ASPH: variants seen among roughly 807,000 people sequenced by gnomAD.
ASPH encodes aspartate beta-hydroxylase.
Under a neutral mutation model 118.4 loss-of-function variants are expected in ASPH, and 100 were observed. The ratio of observed to expected loss-of-function variants is 0.84; its 90% CI spans 0.72 to 1.00. The LOEUF (loss-of-function observed/expected upper bound fraction) is 1.00. Ranked by LOEUF, ASPH falls within the 50% of genes least tolerant of loss-of-function variation. ASPH has a pLI of 0.00. For synonymous variants in ASPH, 315 were observed against 325.6 expected (o/e 0.97, Z 0.35); for missense variants, 920 against 919.5 (o/e 1.00, Z -0.01).
At chr8:61,703,930 A>G (rs1271983871) in intron 1 of ASPH, among the ~76,000 whole-genome samples, 1 of 152,196 alleles carries the variant, frequency 6.6e-6, no homozygotes, top group Non-Finnish European at 1.5e-5. Flanking sequence ...GGACAAACAG[A>G]TAACAAAAAA....
At chr8:61,555,808 C>T (rs1225080602) in intron 19 of ASPH, 116 bp downstream of exon 19, 4 of 872,942 alleles carry the variant, frequency 4.6e-6, no homozygotes, top group Non-Finnish European at 5.3e-6. Flanking sequence ...GGTGGACATC[C>T]TGAGGATGAA....
chr8:61,616,418 G>A (rs1849058972), intron 14 of ASPH, among the ~76,000 whole-genome samples: 1 of 152,174 alleles, frequency 6.6e-6, no homozygotes, highest in Admixed American at 6.5e-5. Flanking sequence ...CTGTTTATCT[G>A]CAACAAGCCA....
chr8:61,686,464 A>T (rs1224402508), intron 1 of ASPH, among the ~76,000 whole-genome samples: 1 of 152,210 alleles, frequency 6.6e-6, no homozygotes, highest in Non-Finnish European at 1.5e-5. Flanking sequence ...GAAAGTGAGT[A>T]AGCTTCTGTG....
intron 14 of ASPH, among the ~76,000 whole-genome samples, chr8:61,614,322 C>A (rs1848361550): frequency 6.6e-6 from 1 of 152,166 alleles, no homozygotes. Context: ...CACGTGCACA[C>A]ATAGATACAC....
rs1852795983 is a variant in ASPH at position 61,626,342 on chromosome 8, T to A, written c.935-7323A>T. On this transcript the variant is annotated intron_variant, in intron 13 of 24. Coordinates refer to ENST00000379454, the MANE Select transcript of ASPH (RefSeq NM_004318.4). ...ACCAGACACAGACTGTGAAACTGCT[T>A]CATTTTCATTCTACTTTTTAAAAAA... 7.2e-6 allele frequency: 10 copies of A among 1,392,202 alleles called. No individual in the cohort carries two copies. In the South Asian group the frequency reaches 7.5e-5, roughly 10 times the overall value. 86.2% of individuals were successfully genotyped at this position (1,392,202 alleles called of 1,614,324 possible). A position where few individuals can be genotyped will look rare whatever the true frequency, so the allele number is the denominator to read the frequency against.
At position 61,684,022 on chromosome 8, in the gene ASPH, G is replaced by C. The variant is rs1160667358; in HGVS notation, c.253+17C>G. The C allele has an allele frequency of 6.2e-7, 1 of 1,610,496 alleles. No individual in the cohort carries two copies. Among genetic ancestry groups the C allele is most frequent in the African/African-American group, 1.3e-5 (1 of 74,806 alleles). On this transcript the variant is annotated intron_variant, in intron 2 of 24. Coordinates refer to ENST00000379454, the MANE Select transcript of ASPH (RefSeq NM_004318.4). ...TTACTCTCTTACAAATTCACATAAG[G>C]ATATCAAAATTCTTACCTAGAACTT...
chr8:61,632,219 T>G (rs752432752), intron 13 of ASPH, among the ~76,000 whole-genome samples: 11 of 152,172 alleles, frequency 7.2e-5, no homozygotes, highest in Non-Finnish European at 1.5e-4. Flanking sequence ...ATATTTACAT[T>G]CCAAATAAAC....
At chr8:61,671,429 A>C (rs1214898152) in intron 3 of ASPH, among the ~76,000 whole-genome samples, 3 of 152,246 alleles carry the variant, frequency 2.0e-5, no homozygotes, top group Admixed American at 2.0e-4. Context: ...AGTAGGAAGA[A>C]AATTCTATCA....
intron 1 of ASPH, among the ~76,000 whole-genome samples, chr8:61,692,647 C>A (rs895115847): frequency 1.1e-4 from 17 of 152,090 alleles, no homozygotes; most frequent in Admixed American, 1.1e-3. Flanking sequence ...ATACTTCCTT[C>A]CCCTCACCCC....
rs1240249871 is a variant in ASPH at position 61,714,400 on chromosome 8, T to TGGTGAG, written c.-30_-29insCTCACC. The TGGTGAG allele has an allele frequency of 1.6e-5, 24 of 1,471,412 alleles. No individual in the cohort carries two copies. The highest frequency in any genetic ancestry group is 4.4e-4 in the Middle Eastern group (2 of 4,506). The allele number at this position is 1,471,412 out of a possible 1,614,324, so 91.1% of individuals were successfully genotyped here. ...ACGGTCCGCGGGGGCTGGTGAGGGC[T>TGGTGAG]GGCGGACCTCCTTCAGTGCGCGGGG... is the stretch of plus-strand genomic sequence containing the variant. On this transcript the variant is annotated 5_prime_UTR_variant, in exon 1 of 25. Coordinates refer to ENST00000379454, the MANE Select transcript of ASPH (RefSeq NM_004318.4).
chr8:61,582,956 T>C (rs1250364968), intron 15 of ASPH: 1 of 152,232 alleles, frequency 6.6e-6, no homozygotes, highest in Non-Finnish European at 1.5e-5. Context: ...TTGCACCCGA[T>C]GATTAGATGA....
rs34577657 is a variant in ASPH at position 61,550,442 on chromosome 8, T to TACACAC, written c.1627-2240_1627-2235dup. Reference sequence around the variant, plus strand: ...TGTATGGTTTTTATGCACATGTACATACACACACACACACACACACACACA... The same window carrying TACACAC: ...TGTATGGTTTTTATGCACATGTACATACACACACACACACACACACACACACACACA... On this transcript the variant is annotated intron_variant, in intron 20 of 24. Transcript: ENST00000379454. Among the ~76,000 whole-genome samples, 907 of 147,666 alleles carry TACACAC rather than the reference T, an allele frequency of 6.1e-3. 3 individuals carry two copies. The highest frequency in any genetic ancestry group is 6.7e-3 in the Non-Finnish European group (450 of 66,672).
intron 10 of ASPH, among the ~76,000 whole-genome samples, chr8:61,640,315 C>T (rs950337777): frequency 6.6e-6 from 1 of 152,184 alleles, no homozygotes; most frequent in Non-Finnish European, 1.5e-5. Flanking sequence ...CATGCCAGAC[C>T]GATCAATCTT....
Position 61,525,990 on chromosome 8 carries a change from C to A in ASPH, c.1887G>T (p.Thr629=). The change falls in exon 22 of 25, where the codon ACG becomes ACT. Residue 629 remains threonine, a synonymous_variant. Transcript: ENST00000379454. The part of the protein sequence containing the change: ...LREKGDWSQF[T]LWQQGRRNEN... ...TCAGAAACTCACCTTGCTGCCACAG[C>A]GTGAACTGGCTCCAGTCCCCTTTTT... The A allele has an allele frequency of 6.2e-7, 1 of 1,613,878 alleles. No individual in the cohort carries two copies. Among genetic ancestry groups the A allele is most frequent in the Non-Finnish European group, 8.5e-7 (1 of 1,179,870 alleles).
At chr8:61,675,866 A>C in intron 3 of ASPH, 1 of 1,372,626 alleles carries the variant, frequency 7.3e-7, no homozygotes, top group Non-Finnish European at 9.4e-7. Context: ...AAGAATGAGG[A>C]GTACCATTTT....
At position 61,608,790 on chromosome 8, in the gene ASPH, G is replaced by A. The variant is rs188749921; in HGVS notation, c.976+10188C>T. Among the ~76,000 whole-genome samples, 243 of 152,052 alleles carry A rather than the reference G, an allele frequency of 1.6e-3. 2 individuals carry two copies. The highest frequency in any genetic ancestry group is 5.6e-3 in the African/African-American group (231 of 41,334). ...TCAGAATAGTTGAGGGTGGGACCCA[G>A]GGCACTGTCTGAACTCTCCCCCATG... On this transcript the variant is annotated intron_variant, in intron 14 of 24. Transcript: ENST00000379454.
chr8:61,583,673 C>G (rs1838332375), intron 15 of ASPH: 1 of 332,074 alleles, frequency 3.0e-6, no homozygotes, highest in African/African-American at 2.2e-5. Context: ...CAAGTGGTTT[C>G]CCCAAAGCTG....
intron 1 of ASPH, 65 bp downstream of exon 1, chr8:61,714,204 G>A (rs1461506736): frequency 3.7e-6 from 5 of 1,357,780 alleles, no homozygotes; most frequent in East Asian, 3.1e-5. Context: ...CGCAGCGTCC[G>A]CCGCGCCAGC....
Position 61,644,225 on chromosome 8 carries a change from G to A in ASPH, c.653-224C>T, listed in dbSNP as rs59829121. ...TCATCAACTGGTTTACACTCAAACC[G>A]CAAAACAGTAAAGTGCTGACAGATG... On this transcript the variant is annotated intron_variant, in intron 7 of 24. Coordinates refer to ENST00000379454, the MANE Select transcript of ASPH (RefSeq NM_004318.4). Among the ~76,000 whole-genome samples the A allele has an allele frequency of 6.4e-3, 969 of 152,352 alleles. 15 individuals are homozygous for A. The highest frequency in any genetic ancestry group is 0.022 in the African/African-American group (911 of 41,572).
Sources: allele counts gnomAD v4.1 joint callset (sites outside exome capture counted in the v4.1 genomes callset), GRCh38; gene constraint gnomAD v4.1.1; transcripts MANE v1.5; gene names NCBI Gene and HGNC (gene_info 2026-07-23, HGNC 2026-07-21).